Variants in PCDH15 observed in about 807,000 individuals in gnomAD.
The protein encoded by PCDH15 is protocadherin-15.
A neutral mutation model predicts 178.5 loss-of-function variants in PCDH15; 129 were observed. The observed-to-expected ratio is 0.72, with a 90% confidence interval of 0.63 to 0.84. PCDH15 has a LOEUF of 0.84. Among genes scored for constraint, PCDH15 ranks in the 40% least tolerant of loss-of-function variants. The pLI is 0.00. For synonymous variants in PCDH15, 800 were observed against 732.0 expected, an observed-to-expected ratio of 1.09 and a Z score of -1.50; for missense variants, 2,230 against 2,099.9, an observed-to-expected ratio of 1.06 and a Z score of -1.21.
At chr10:54,272,817 T>C (rs538052180) in intron 8 of PCDH15, among the ~76,000 whole-genome samples, 9 of 152,214 alleles carry the variant, frequency 5.9e-5, no homozygotes, top group African/African-American at 1.9e-4. Flanking sequence ...CTTAATAATA[T>C]AGTACACTTA....
In PCDH15 at chr10:55,046,936, G is replaced by T. The variant is rs145321360; in HGVS notation, c.-80+119640C>A. 3.1e-3 allele frequency among the ~76,000 whole-genome samples: 471 copies of T among 151,924 alleles called. 1 individual carries two copies. Among genetic ancestry groups the T allele is most frequent in the Non-Finnish European group, 4.1e-3 (281 of 67,840 alleles). ...AAAGTAATGAGTTTGAAAGCAAAAAGAAATGACTCTTTTAAAATTACATAT... is the reference window on the plus strand; with the variant it reads ...AAAGTAATGAGTTTGAAAGCAAAAATAAATGACTCTTTTAAAATTACATAT... On this transcript the variant is annotated intron_variant, in intron 2 of 5. Coordinates refer to the PCDH15 transcript ENST00000458638.
At chr10:54,008,439 A>T (rs978732180) in intron 20 of PCDH15, among the ~76,000 whole-genome samples, 1 of 152,172 alleles carries the variant, frequency 6.6e-6, no homozygotes, top group African/African-American at 2.4e-5. Flanking sequence ...GAACTTTTTT[A>T]AAGAGGTATG....
intron 26 of PCDH15, among the ~76,000 whole-genome samples, chr10:53,871,791 T>C (rs1450434152): frequency 6.6e-6 from 1 of 151,884 alleles, no homozygotes; most frequent in East Asian, 1.9e-4. Flanking sequence ...TTCACTCTTG[T>C]TGCCCAGGCT....
intron 1 of PCDH15, among the ~76,000 whole-genome samples, chr10:54,781,408 A>G (rs976136543): frequency 1.6e-4 from 24 of 152,252 alleles, no homozygotes; most frequent in African/African-American, 5.5e-4. Context: ...AGACATTGTC[A>G]AATATAGGAA....
chr10:54,896,634 AG>A (rs1414526518), intron 3 of PCDH15, among the ~76,000 whole-genome samples: 1 of 152,102 alleles, frequency 6.6e-6, no homozygotes. Flanking sequence ...CCTAAAATCC[AG>A]GGCCTTGAAG....
chr10:55,010,221 A>C (rs533636257), intron 2 of PCDH15, among the ~76,000 whole-genome samples: 2 of 152,232 alleles, frequency 1.3e-5, no homozygotes, highest in East Asian at 3.9e-4. Context: ...ATAATAAATA[A>C]ATAAATAAAT....
chr10:53,809,461 G>T (rs1374646895), intron 37 of PCDH15: 1 of 1,613,874 alleles, frequency 6.2e-7, no homozygotes, highest in Non-Finnish European at 8.5e-7. Context: ...AGCTGCTGGT[G>T]GTTTTTCGAT....
At chr10:54,194,548 C>T (rs891120159) in intron 11 of PCDH15, among the ~76,000 whole-genome samples, 1 of 151,828 alleles carries the variant, frequency 6.6e-6, no homozygotes, top group East Asian at 1.9e-4. Flanking sequence ...ATCCAACTAT[C>T]TTTTACATAT....
chr10:54,852,102 G>T (rs2131767275), intron 3 of PCDH15, among the ~76,000 whole-genome samples: 1 of 152,236 alleles, frequency 6.6e-6, no homozygotes, highest in Non-Finnish European at 1.5e-5. Flanking sequence ...CTGTTATATT[G>T]GCAGATGTAG....
intron 2 of PCDH15, among the ~76,000 whole-genome samples, chr10:55,342,877 C>T (rs1462876695): frequency 6.6e-6 from 1 of 152,060 alleles, no homozygotes; most frequent in African/African-American, 2.4e-5. Flanking sequence ...TGTCTGTTCT[C>T]CAGAAGGACC....
intron 2 of PCDH15, among the ~76,000 whole-genome samples, chr10:54,654,118 C>G (rs2094324086): frequency 1.3e-5 from 2 of 152,160 alleles, no homozygotes; most frequent in African/African-American, 4.8e-5. Context: ...AACTTTTGAT[C>G]AACATCTCCT....
chr10:55,350,088 CA>C (rs1844870980), intron 2 of PCDH15, among the ~76,000 whole-genome samples: 1 of 151,490 alleles, frequency 6.6e-6, no homozygotes, highest in Non-Finnish European at 1.5e-5. Context: ...TTCCATATAG[CA>C]GACATTTAAT....
At position 54,823,812 on chromosome 10, in the gene PCDH15, A is replaced by T. The variant is rs1038222797; in HGVS notation, c.-29+73638T>A. Reference sequence around the variant, plus strand: ...GGAAATTGTTTATGACTCAAAAAAAAGACTAAAAATAATTGTTCTTGAAAT... The same window carrying T: ...GGAAATTGTTTATGACTCAAAAAAATGACTAAAAATAATTGTTCTTGAAAT... On this transcript the variant is annotated intron_variant, in intron 3 of 5. Transcript: ENST00000458638. Among the ~76,000 whole-genome samples the T allele has an allele frequency of 2.6e-5, 4 of 152,210 alleles. No homozygotes were observed. The East Asian group carries it at 7.7e-4, about 29-fold the overall frequency.
intron 15 of PCDH15, among the ~76,000 whole-genome samples, chr10:54,113,648 AC>A (rs2095063526): frequency 6.6e-6 from 1 of 151,958 alleles, no homozygotes; most frequent in Non-Finnish European, 1.5e-5. Context: ...AGACACACAC[AC>A]ACACACACAC....
At chr10:54,527,953 T>A in intron 2 of PCDH15, 76 bp from the exon 3 acceptor site, 1 of 1,122,976 alleles carries the variant, frequency 8.9e-7, no homozygotes, top group Non-Finnish European at 1.3e-6. Flanking sequence ...CATTGAGATG[T>A]ATATTAATAT....
chr10:55,365,529 A>T (rs1845332610), intron 2 of PCDH15, among the ~76,000 whole-genome samples: 2 of 152,076 alleles, frequency 1.3e-5, no homozygotes. Context: ...TTCACACCCA[A>T]ATCTCATCTT....
At chr10:54,936,538 T>C (rs540281762) in intron 2 of PCDH15, among the ~76,000 whole-genome samples, 20 of 152,102 alleles carry the variant, frequency 1.3e-4, no homozygotes, top group Admixed American at 5.9e-4. Flanking sequence ...CTTATTGATA[T>C]CTATTTGTAA....
chr10:54,887,137 A>G (rs1162803395), intron 3 of PCDH15, among the ~76,000 whole-genome samples: 1 of 152,196 alleles, frequency 6.6e-6, no homozygotes, highest in Non-Finnish European at 1.5e-5. Context: ...CAGAAAGTCA[A>G]TTAGGGCACC....
intron 1 of PCDH15, among the ~76,000 whole-genome samples, chr10:54,715,968 T>C (rs2095475412): frequency 6.6e-6 from 1 of 152,112 alleles, no homozygotes; most frequent in African/African-American, 2.4e-5. Flanking sequence ...TCTCTGGAAT[T>C]TGGAGCACTC....
Sources: allele counts gnomAD v4.1 joint callset (sites outside exome capture counted in the v4.1 genomes callset), GRCh38; gene constraint gnomAD v4.1.1; transcripts MANE v1.5; gene names NCBI Gene and HGNC (gene_info 2026-07-23, HGNC 2026-07-21).